DCAF1: variants seen among roughly 807,000 people sequenced by gnomAD.
The protein encoded by DCAF1 is DDB1 and CUL4 associated factor 1, also known as DDB1- and CUL4-associated factor 1.
DCAF1 carries 15 observed loss-of-function variants against 128.0 expected under a neutral mutation model. The observed-to-expected ratio is 0.12, with a 90% CI of 0.08 to 0.18. The LOEUF is 0.18. Ranked by LOEUF, DCAF1 falls within the 10% of genes least tolerant of loss-of-function variation. The pLI, the probability that DCAF1 is intolerant of heterozygous loss-of-function variation, is 1.00. For missense variants in DCAF1, 988 were observed against 1,649.5 expected, an observed-to-expected ratio of 0.60 and a Z score of 6.95; for synonymous variants, 610 against 603.0, an observed-to-expected ratio of 1.01 and a Z score of -0.17.
intron 14 of DCAF1, among the ~76,000 whole-genome samples, chr3:51,421,520 G>A (rs1699390127): frequency 6.6e-6 from 1 of 152,172 alleles, no homozygotes; most frequent in Admixed American, 6.5e-5. Flanking sequence ...GCCTCCCAAA[G>A]TTTTGGGATT....
At chr3:51,483,609 T>TTTTG in intron 3 of DCAF1, 110 bp downstream of exon 3, 3 of 474,814 alleles carry the variant, frequency 6.3e-6, no homozygotes, top group Admixed American at 6.0e-5. Flanking sequence ...TTAAACTAGT[T>TTTTG]TGTGTGTGTG....
intron 2 of DCAF1, among the ~76,000 whole-genome samples, chr3:51,495,997 G>GA (rs1304757862): frequency 1.4e-3 from 199 of 138,234 alleles, no homozygotes; most frequent in African/African-American, 3.2e-3. Context: ...TTGTCTCAAG[G>GA]AAAAAAAAAA....
At chr3:51,461,292 C>G (rs1262817465) in intron 6 of DCAF1, among the ~76,000 whole-genome samples, 1 of 151,792 alleles carries the variant, frequency 6.6e-6, no homozygotes, top group Non-Finnish European at 1.5e-5. Flanking sequence ...ATTTATGCAG[C>G]CAAAAAACAC....
chr3:51,429,958 G>C, intron 11 of DCAF1, 75 bp downstream of exon 11: 1 of 729,986 alleles, frequency 1.4e-6, no homozygotes, highest in South Asian at 1.5e-5. Context: ...CTTTCTTCAA[G>C]GGTGTGCCGT....
chr3:51,444,764 C>T (rs1354964743), intron 6 of DCAF1, among the ~76,000 whole-genome samples: 2 of 152,120 alleles, frequency 1.3e-5, no homozygotes, highest in Non-Finnish European at 2.9e-5. Context: ...CAAGCTCTGC[C>T]TCTTGGGTTC....
At chr3:51,442,878 G>C (rs1008098336) in intron 7 of DCAF1, among the ~76,000 whole-genome samples, 1 of 152,122 alleles carries the variant, frequency 6.6e-6, no homozygotes, top group Non-Finnish European at 1.5e-5. Context: ...GGAAATGAAC[G>C]ATAGGGACAC....
At chr3:51,453,224 T>C (rs77829609) in intron 6 of DCAF1, among the ~76,000 whole-genome samples, 1 of 152,344 alleles carries the variant, frequency 6.6e-6, no homozygotes, top group East Asian at 1.9e-4. Flanking sequence ...AACGTTATTC[T>C]CTAAAATACT....
upstream of DCAF1, among the ~76,000 whole-genome samples, chr3:51,500,413 CCT>C (rs2108646622): frequency 6.6e-6 from 1 of 152,274 alleles, no homozygotes; most frequent in African/African-American, 2.4e-5. Flanking sequence ...GCGCAAAGAG[CCT>C]CTGTTTTATT....
intron 2 of DCAF1, 23 bp from the exon 3 acceptor site, chr3:51,483,859 A>G: frequency 6.6e-7 from 1 of 1,507,796 alleles, no homozygotes; most frequent in Non-Finnish European, 9.2e-7. Flanking sequence ...AAATAAAAAT[A>G]AAAAAGACAA....
intron 20 of DCAF1, 72 bp downstream of exon 20, chr3:51,413,878 A>G (rs1193328869): frequency 1.5e-6 from 2 of 1,352,336 alleles, no homozygotes; most frequent in Non-Finnish European, 1.9e-6. Context: ...AGATGGTTCC[A>G]AAAAGAAGTA....
intron 3 of DCAF1, among the ~76,000 whole-genome samples, chr3:51,475,627 T>C (rs1178428315): frequency 6.6e-6 from 1 of 152,148 alleles, no homozygotes; most frequent in Non-Finnish European, 1.5e-5. Context: ...TTTGGGAGGC[T>C]GAGGTGGGCA....
At chr3:51,486,081 G>A (rs939247085) in intron 2 of DCAF1, among the ~76,000 whole-genome samples, 2 of 151,756 alleles carry the variant, frequency 1.3e-5, no homozygotes, top group Non-Finnish European at 2.9e-5. Flanking sequence ...TAGGAGAGAC[G>A]GGCTTTCACC....
the DCAF1 span, among the ~76,000 whole-genome samples, chr3:51,505,059 C>T: frequency 4.3e-4 from 65 of 152,130 alleles, no homozygotes; most frequent in African/African-American, 1.5e-3. Context: ...GTCGAGAGTT[C>T]GAGACCAGCC....
chr3:51,441,133 C>T lies in DCAF1; in HGVS notation c.1027-62G>A, dbSNP rs544758473. The T allele has an allele frequency of 1.1e-5, 16 of 1,445,464 alleles. No individual in the cohort carries two copies. The African/African-American group carries it at 2.2e-4, about 20-fold the overall frequency. The allele number at this position is 1,445,464 out of a possible 1,614,324, so 89.5% of individuals were successfully genotyped here. The stretch of plus-strand genomic sequence containing the variant: ...CTTTATTGTCATGTATTTCCTATTC[C>T]ACTCTTTGAGGATAGAAGCCTAAAG... On this transcript the variant is annotated intron_variant, in intron 8 of 24. Transcript: ENST00000684031.
At chr3:51,490,509 C>T (rs1175995601) in intron 2 of DCAF1, among the ~76,000 whole-genome samples, 1 of 152,088 alleles carries the variant, frequency 6.6e-6, no homozygotes, top group Non-Finnish European at 1.5e-5. Context: ...TTCATGATGA[C>T]CTAAATTTTA....
intron 10 of DCAF1, among the ~76,000 whole-genome samples, 195 bp downstream of exon 10, chr3:51,432,911 T>C (rs971583357): frequency 6.6e-6 from 1 of 152,134 alleles, no homozygotes; most frequent in East Asian, 1.9e-4. Flanking sequence ...CAGAAAAAAA[T>C]AGAACCATTT....
chr3:51,408,489 AAAGTCTCT>A (rs1386840720), intron 23 of DCAF1, among the ~76,000 whole-genome samples: 4 of 152,262 alleles, frequency 2.6e-5, no homozygotes, highest in Non-Finnish European at 5.9e-5. Context: ...AGGAAAATGA[AAAGTCTCT>A]AGTTTTAAAA....
At chr3:51,456,762 C>T (rs945379137) in intron 6 of DCAF1, among the ~76,000 whole-genome samples, 8 of 152,134 alleles carry the variant, frequency 5.3e-5, no homozygotes, top group African/African-American at 1.4e-4. Flanking sequence ...CACCAATATC[C>T]GCTATTCTGC....
At chr3:51,481,556 A>G (rs1274688531) in intron 3 of DCAF1, among the ~76,000 whole-genome samples, 6 of 151,868 alleles carry the variant, frequency 4.0e-5, no homozygotes, top group South Asian at 2.1e-4. Flanking sequence ...TTAGCCGAGC[A>G]TGGTGGCTTA....
Sources: gnomAD v4.1 joint callset for allele counts (sites outside exome capture counted in the v4.1 genomes callset) on GRCh38, gnomAD v4.1.1 for gene constraint, MANE v1.5 for transcripts, NCBI Gene and HGNC (gene_info 2026-07-23, HGNC 2026-07-21) for gene names.